NDUFA9: variants seen among roughly 807,000 people sequenced by gnomAD.
The protein encoded by NDUFA9 is NADH:ubiquinone oxidoreductase subunit A9.
NDUFA9 carries 23 observed loss-of-function variants against 45.9 expected under a neutral mutation model. The observed-to-expected ratio is 0.50, with a 90% CI of 0.36 to 0.71. The LOEUF (loss-of-function observed/expected upper bound fraction) is 0.71. Ranked by LOEUF, NDUFA9 falls within the 30% of genes least tolerant of loss-of-function variation. The pLI, the probability that NDUFA9 is intolerant of heterozygous loss-of-function variation, is 0.00. For synonymous variants in NDUFA9, 176 were observed against 170.5 expected (o/e 1.03, Z -0.25); for missense variants, 466 against 488.2 (o/e 0.95, Z 0.43).
At chr12:4,650,608 A>G (rs1033001309) in intron 1 of NDUFA9, among the ~76,000 whole-genome samples, 2 of 152,220 alleles carry the variant, frequency 1.3e-5, no homozygotes, top group African/African-American at 4.8e-5. Flanking sequence ...TCCACACACT[A>G]TAGGACAGAA....
At chr12:4,663,322 T>A (rs1181962055) in intron 6 of NDUFA9, among the ~76,000 whole-genome samples, 1 of 152,198 alleles carries the variant, frequency 6.6e-6, no homozygotes. Flanking sequence ...TGGCAAAATA[T>A]ACATAGTATA....
chr12:4,678,155 G>C (rs1272103792), intron 8 of NDUFA9, among the ~76,000 whole-genome samples: 1 of 152,076 alleles, frequency 6.6e-6, no homozygotes, highest in Non-Finnish European at 1.5e-5. Flanking sequence ...CTAGAGGAGG[G>C]ATAGCATTAG....
Position 4,662,435 on chromosome 12 carries a change from C to T in NDUFA9, c.553-98C>T, listed in dbSNP as rs566828763. 439 of 866,506 alleles carry T rather than the reference C, an allele frequency of 5.1e-4. 6 individuals are homozygous for T. The Middle Eastern group carries it at 0.013, about 26-fold the overall frequency. 53.7% of individuals were successfully genotyped at this position (866,506 alleles called of 1,614,324 possible). On this transcript the variant is annotated intron_variant, in intron 5 of 10. Coordinates refer to ENST00000266544, the MANE Select transcript of NDUFA9 (RefSeq NM_005002.5). ...ATTACCTTTATCTGGAGGAAAATAT[C>T]GCCTTTGAAATACAAGTCATGTCTT...
intron 5 of NDUFA9, among the ~76,000 whole-genome samples, chr12:4,661,044 T>G (rs1945820506): frequency 1.3e-5 from 2 of 151,642 alleles, no homozygotes; most frequent in East Asian, 1.9e-4. Context: ...TACATGCTGG[T>G]AGGGAGATGC....
intron 8 of NDUFA9, among the ~76,000 whole-genome samples, chr12:4,677,585 C>A (rs1183384170): frequency 2.0e-5 from 3 of 152,172 alleles, no homozygotes; most frequent in Non-Finnish European, 1.5e-5. Flanking sequence ...CAAATCAAAA[C>A]CACAGTGAGA....
chr12:4,687,060 G>C lies in NDUFA9; in HGVS notation c.1086G>C (p.Leu362=). ...VLRRHRTYRW[L]SAEIEDVKPA... is the part of the protein sequence containing the mutation. ...GGCGTCATCGCACTTACCGCTGGCTGTCTGCTGAAATTGAGGATGTGAAGC... is the reference window on the plus strand; with the variant it reads ...GGCGTCATCGCACTTACCGCTGGCTCTCTGCTGAAATTGAGGATGTGAAGC... The change falls in exon 11 of 11, where the codon CTG becomes CTC. Residue 362 remains leucine, a synonymous_variant. Transcript: ENST00000266544. The C allele has an allele frequency of 6.2e-7, 1 of 1,614,208 alleles. No individual in the cohort carries two copies. The highest frequency in any genetic ancestry group is 8.5e-7 in the Non-Finnish European group (1 of 1,180,050).
intron 8 of NDUFA9, among the ~76,000 whole-genome samples, chr12:4,676,820 C>T (rs1440784281): frequency 6.6e-6 from 1 of 152,004 alleles, no homozygotes; most frequent in African/African-American, 2.4e-5. Flanking sequence ...CATATGGAAC[C>T]AAAAAAGAGC....
At chr12:4,676,231 A>G (rs1486461109) in intron 8 of NDUFA9, among the ~76,000 whole-genome samples, 1 of 152,240 alleles carries the variant, frequency 6.6e-6, no homozygotes, top group East Asian at 1.9e-4. Flanking sequence ...AAATCGGCAC[A>G]AGACAAGGAT....
At position 4,673,815 on chromosome 12, in the gene NDUFA9, G is replaced by T. The variant is rs546688012; in HGVS notation, c.800+3998G>T. On this transcript the variant is annotated intron_variant, in intron 8 of 10. Transcript: ENST00000266544. ...AACATTCAAATTCAGGAAATACAGA[G>T]AACACCACAAAGATACTCCTCGAGA... Among the ~76,000 whole-genome samples, 24 of 152,186 alleles carry T rather than the reference G, an allele frequency of 1.6e-4. No homozygotes were observed. In the East Asian group the frequency reaches 3.7e-3, roughly 23 times the overall value.
At chr12:4,680,168 A>T (rs1945944085) in intron 8 of NDUFA9, among the ~76,000 whole-genome samples, 1 of 152,126 alleles carries the variant, frequency 6.6e-6, no homozygotes, top group African/African-American at 2.4e-5. Flanking sequence ...GCCCTGGGAG[A>T]ACAGGAAAGA....
intron 8 of NDUFA9, among the ~76,000 whole-genome samples, chr12:4,675,334 G>C (rs1033301272): frequency 6.6e-6 from 1 of 152,144 alleles, no homozygotes; most frequent in Non-Finnish European, 1.5e-5. Context: ...AACCGAAGGA[G>C]ATAGAGACAG....
chr12:4,659,544 G>A (rs964392164), intron 5 of NDUFA9, among the ~76,000 whole-genome samples: 1 of 152,164 alleles, frequency 6.6e-6, no homozygotes, highest in Non-Finnish European at 1.5e-5. Flanking sequence ...CTCACCCCTT[G>A]CACTGCAGTG....
intron 3 of NDUFA9, 115 bp from the exon 4 acceptor site, chr12:4,657,633 A>G (rs1945798502): frequency 4.1e-6 from 3 of 728,402 alleles, no homozygotes; most frequent in Non-Finnish European, 7.2e-6. Flanking sequence ...AAATGGCACT[A>G]TATTATGACT....
chr12:4,682,747 T>C (rs1945961172), intron 9 of NDUFA9, among the ~76,000 whole-genome samples: 1 of 152,224 alleles, frequency 6.6e-6, no homozygotes, highest in African/African-American at 2.4e-5. Context: ...TGCTTCTTAG[T>C]TTACTTCTTC....
intron 8 of NDUFA9, among the ~76,000 whole-genome samples, chr12:4,675,114 C>T (rs148640839): frequency 0.068 from 10,306 of 152,218 alleles, 491 homozygotes; most frequent in Middle Eastern, 0.12. Flanking sequence ...TTCTTTGAAA[C>T]CGATGAGAAC....
intron 3 of NDUFA9, chr12:4,655,158 GCAGGTCGTAGAGTCTTTGTCATAATTA>G: frequency 2.3e-6 from 1 of 437,860 alleles, no homozygotes; most frequent in Non-Finnish European, 4.1e-6. Flanking sequence ...TTCTGGCTTT[GCAGGTCGTAGAGTCTTTGTCATAATTA>G]CTCAGCTCTG....
intron 7 of NDUFA9, among the ~76,000 whole-genome samples, chr12:4,669,240 G>GAAAATGAAAA (rs1945871620): frequency 6.6e-6 from 1 of 152,220 alleles, no homozygotes; most frequent in Non-Finnish European, 1.5e-5. Context: ...ACTCTAGACA[G>GAAAATGAAAA]TTGTCAAATG....
In NDUFA9 at chr12:4,682,247, T is replaced by G; in HGVS notation, c.843T>G (p.Phe281Leu). The G allele has an allele frequency of 1.2e-6, 2 of 1,613,548 alleles. No individual in the cohort carries two copies. The highest frequency in any genetic ancestry group is 2.2e-5 in the South Asian group (2 of 90,972). ...TTTTCCACCTGGTGAAGTACATCTT[T>G]GCTGTGGCTCACAGATTGTTCCTCC... Reference protein sequence around the residue: ...YLLFHLVKYIFAVAHRLFLPF... With the variant: ...YLLFHLVKYILAVAHRLFLPF... The change falls in exon 9 of 11, where the codon TTT becomes TTG. Residue 281 changes from phenylalanine to leucine, a missense_variant. Coordinates refer to ENST00000266544, the MANE Select transcript of NDUFA9 (RefSeq NM_005002.5).
Position 4,679,905 on chromosome 12 carries a change from A to T in NDUFA9, c.801-2300A>T, listed in dbSNP as rs138471372. Among the ~76,000 whole-genome samples, 964 of 152,350 alleles carry T rather than the reference A, an allele frequency of 6.3e-3. 6 individuals carry two copies. Among genetic ancestry groups the T allele is most frequent in the South Asian group, 0.02 (98 of 4,824 alleles). On this transcript the variant is annotated intron_variant, in intron 8 of 10. Transcript: ENST00000266544. ...ACTCAGGAGATGAGGCCGACAGAAA[A>T]GGAGCAAAGTCCTTCAGGAATTGAG...
Sources: gnomAD v4.1 joint callset for allele counts (sites outside exome capture counted in the v4.1 genomes callset) on GRCh38, gnomAD v4.1.1 for gene constraint, MANE v1.5 for transcripts, NCBI Gene and HGNC (gene_info 2026-07-23, HGNC 2026-07-21) for gene names.